The following SLC22A23 variants were observed in gnomAD, a reference collection of about 807,000 sequenced individuals.
SLC22A23 encodes the protein solute carrier family 22 member 23.
In SLC22A23, 26 loss-of-function variants were observed where a neutral mutation model predicts 61.0. The ratio of observed to expected loss-of-function variants is 0.43; its 90% confidence interval spans 0.31 to 0.59. SLC22A23 has a LOEUF of 0.59. Ranked by LOEUF, SLC22A23 falls within the 20% of genes least tolerant of loss-of-function variation. The probability of loss-of-function intolerance (pLI) is 0.11; values close to 1 mark genes in which losing one functional copy is unlikely to be tolerated. For missense variants in SLC22A23, 796 were observed against 934.7 expected (o/e 0.85, Z 1.94); for synonymous variants, 430 against 413.9 (o/e 1.04, Z -0.47).
At chr6:3,404,113 A>T (rs1768628385) in intron 3 of SLC22A23, among the ~76,000 whole-genome samples, 1 of 152,246 alleles carries the variant, frequency 6.6e-6, no homozygotes, top group Admixed American at 6.5e-5. Context: ...GCACAGTTTA[A>T]GAACAGCCTC....
At chr6:3,355,385 G>T (rs1239211874) in intron 3 of SLC22A23, among the ~76,000 whole-genome samples, 2 of 152,018 alleles carry the variant, frequency 1.3e-5, no homozygotes, top group Non-Finnish European at 2.9e-5. Context: ...CATGCTGCTC[G>T]TGGGTTCGTC....
chr6:3,273,499 T>A (rs1758620916), intron 9 of SLC22A23, 87 bp from the exon 10 acceptor site: 1 of 1,439,682 alleles, frequency 6.9e-7, no homozygotes, highest in African/African-American at 1.4e-5. Context: ...GGAAGCCACC[T>A]CTGCAGGGGC....
intron 3 of SLC22A23, among the ~76,000 whole-genome samples, chr6:3,354,396 A>G (rs1764949765): frequency 6.6e-6 from 1 of 152,200 alleles, no homozygotes; most frequent in Non-Finnish European, 1.5e-5. Context: ...TGGGTAAACA[A>G]AAGAAAATCT....
At position 3,317,601 on chromosome 6, in the gene SLC22A23, G is replaced by A. The variant is rs1762715141; in HGVS notation, c.1082+6233C>T. ...CAGTCGGTATGACTTCCTTCTAGAT[G>A]AGCGCTAAATCCCTGCTGCTCTTTA... On this transcript the variant is annotated intron_variant, in intron 4 of 9. Transcript: ENST00000406686. This position sits in a 1 kb window ranked among gnomAD's most constrained non-coding sequence, Gnocchi z 4.4. Among the ~76,000 whole-genome samples the A allele has an allele frequency of 6.6e-6, 1 of 152,150 alleles. No individual in the cohort carries two copies. Among genetic ancestry groups the A allele is most frequent in the Non-Finnish European group, 1.5e-5 (1 of 68,034 alleles).
At position 3,318,819 on chromosome 6, in the gene SLC22A23, G is replaced by A. The variant is rs1428780097; in HGVS notation, c.1082+5015C>T. Among the ~76,000 whole-genome samples, 2 of 152,140 alleles carry A rather than the reference G, an allele frequency of 1.3e-5. No homozygotes were observed. Among genetic ancestry groups the A allele is most frequent in the African/African-American group, 4.8e-5 (2 of 41,412 alleles). ...GCCTCCAGCCCTCCTGAGCTTCCAT[G>A]TTTCTTAAAGCTCTGGCCTCCCCAT... On this transcript the variant is annotated intron_variant, in intron 4 of 9. Transcript: ENST00000406686. The surrounding 1 kb of genome is among the most constrained non-coding windows in gnomAD (Gnocchi z 4.3).
At chr6:3,336,409 G>T (rs556961932) in intron 3 of SLC22A23, among the ~76,000 whole-genome samples, 1 of 152,324 alleles carries the variant, frequency 6.6e-6, no homozygotes, top group East Asian at 1.9e-4. Context: ...TGCCCCTAAA[G>T]CCCAGCTCTG....
intron 8 of SLC22A23, 193 bp downstream of exon 8, chr6:3,284,886 C>G (rs775797280): frequency 2.0e-6 from 3 of 1,534,466 alleles, no homozygotes; most frequent in African/African-American, 1.4e-5. Flanking sequence ...ACCAGTCGCT[C>G]TTTCTAGAGG....
intron 1 of SLC22A23, among the ~76,000 whole-genome samples, chr6:3,421,881 A>G (rs947017282): frequency 6.6e-6 from 1 of 152,250 alleles, no homozygotes; most frequent in African/African-American, 2.4e-5. Context: ...AGTGACTGGG[A>G]ACAAACCACG....
intron 4 of SLC22A23, among the ~76,000 whole-genome samples, chr6:3,302,492 T>C (rs1401966450): frequency 6.6e-6 from 1 of 152,222 alleles, no homozygotes; most frequent in Non-Finnish European, 1.5e-5. Context: ...GGCTTGTTCT[T>C]GCTTTTCTAG....
intron 4 of SLC22A23, among the ~76,000 whole-genome samples, chr6:3,315,897 G>A (rs1581678459): frequency 3.3e-5 from 5 of 152,098 alleles, no homozygotes; most frequent in Admixed American, 3.3e-4. Context: ...AAAGAAAAGT[G>A]TGTGTCCAAT....
In SLC22A23 at chr6:3,456,305, C is replaced by T. The variant is rs1419532736; in HGVS notation, c.255G>A (p.Leu85=). 1 of 1,551,000 alleles carries T rather than the reference C, an allele frequency of 6.4e-7. No homozygotes were observed. Among genetic ancestry groups the T allele is most frequent in the South Asian group, 1.2e-5 (1 of 84,062 alleles). Residue 85 remains leucine, a synonymous_variant, in exon 1 of 10, where the codon CTG becomes CTA. Transcript: ENST00000406686. The surrounding 1 kb of genome is among the most constrained non-coding windows in gnomAD (Gnocchi z 7.1). The part of the protein sequence containing the change: ...LLLLDYDGSV[L]PFLGGLGGGY... ...CCCCGCCCAGGCCCCCGAGGAAGGG[C>T]AGCACCGACCCGTCATAGTCCAGCA...
intron 9 of SLC22A23, among the ~76,000 whole-genome samples, chr6:3,283,278 A>G (rs1759647084): frequency 6.6e-6 from 1 of 152,152 alleles, no homozygotes; most frequent in African/African-American, 2.4e-5. Context: ...CTAAAAATGT[A>G]AAAATTAGCC....
chr6:3,281,734 G>A (rs1051561976), intron 9 of SLC22A23, among the ~76,000 whole-genome samples: 17 of 152,224 alleles, frequency 1.1e-4, no homozygotes, highest in African/African-American at 3.9e-4. Context: ...AGAAAGAGCT[G>A]TGGCCTCCCG....
At chr6:3,355,623 G>GCTCCCTGTATCAGCCCCA (rs1355929303) in intron 3 of SLC22A23, among the ~76,000 whole-genome samples, 1 of 152,100 alleles carries the variant, frequency 6.6e-6, no homozygotes, top group African/African-American at 2.4e-5. Flanking sequence ...CTCCCGCCCC[G>GCTCCCTGTATCAGCCCCA]CTCCCTGTAT....
intron 4 of SLC22A23, among the ~76,000 whole-genome samples, chr6:3,310,993 G>T (rs1255961105): frequency 6.6e-6 from 1 of 152,236 alleles, no homozygotes; most frequent in Non-Finnish European, 1.5e-5. Context: ...GTGCAGACAG[G>T]TGTGCCTTCC....
intron 4 of SLC22A23, 102 bp from the exon 5 acceptor site, chr6:3,298,320 TCAGTCTCCAGA>T: frequency 7.2e-7 from 1 of 1,398,068 alleles, no homozygotes. Flanking sequence ...CAGGTGGCGG[TCAGTCTCCAGA>T]CACGCATCAG....
At chr6:3,451,036 G>T (rs1345833592) in intron 1 of SLC22A23, among the ~76,000 whole-genome samples, 1 of 152,196 alleles carries the variant, frequency 6.6e-6, no homozygotes, top group Non-Finnish European at 1.5e-5. Flanking sequence ...AATGCTACCA[G>T]AAGATTGGAG....
At position 3,275,356 on chromosome 6, in the gene SLC22A23, A is replaced by G. The variant is rs556395557; in HGVS notation, c.1704-1944T>C. On this transcript the variant is annotated intron_variant, in intron 9 of 9. Transcript: ENST00000406686. ...CTAAGTGCTTAACTTAGCTCAAACT[A>G]TAACGCTTCTAGAAGAAAACAAGAG... Among the ~76,000 whole-genome samples the G allele has an allele frequency of 1.3e-4, 20 of 152,368 alleles. 1 individual carries two copies. The South Asian group carries it at 2.3e-3, about 17-fold the overall frequency.
At chr6:3,280,028 GCTC>G (rs1182327000) in intron 9 of SLC22A23, among the ~76,000 whole-genome samples, 2 of 152,164 alleles carry the variant, frequency 1.3e-5, no homozygotes, top group African/African-American at 4.8e-5. Context: ...TCCTGTTCTA[GCTC>G]CTCTTTTATA....
Sources: allele counts gnomAD v4.1 joint callset (sites outside exome capture counted in the v4.1 genomes callset), GRCh38; gene constraint gnomAD v4.1.1; non-coding constraint Gnocchi (gnomAD v3.1); transcripts MANE v1.5; gene names NCBI Gene and HGNC (gene_info 2026-07-23, HGNC 2026-07-21).